Variants in DUS2 observed in about 807,000 individuals in gnomAD.
The protein encoded by DUS2 is dihydrouridine synthase 2.
In DUS2, 52 loss-of-function variants were observed where a neutral mutation model predicts 71.3. That is an observed-to-expected ratio of 0.73 (90% CI 0.58 to 0.92). The LOEUF (loss-of-function observed/expected upper bound fraction) is 0.92, where lower values mean the gene tolerates loss of function less well. DUS2 is among the 40% of genes least tolerant of loss of function. The probability of loss-of-function intolerance (pLI) is 0.00; values close to 1 mark genes in which losing one functional copy is unlikely to be tolerated. For missense variants in DUS2, 558 were observed against 622.6 expected, an observed-to-expected ratio of 0.90 and a Z score of 1.10; for synonymous variants, 204 against 227.8, an observed-to-expected ratio of 0.90 and a Z score of 0.94.
At chr16:68,044,327 C>T (rs1470814186) in intron 3 of DUS2, among the ~76,000 whole-genome samples, 1 of 151,606 alleles carries the variant, frequency 6.6e-6, no homozygotes, top group Non-Finnish European at 1.5e-5. Context: ...CGGATTATTG[C>T]TGTCATAACA....
At chr16:68,058,236 T>G (rs930007948) in intron 7 of DUS2, among the ~76,000 whole-genome samples, 62 of 151,534 alleles carry the variant, frequency 4.1e-4, no homozygotes, top group Non-Finnish European at 1.2e-4. Context: ...GCTTTTTTTT[T>G]TTTTTGAGAT....
At chr16:68,041,579 G>A (rs2033625621) in intron 3 of DUS2, among the ~76,000 whole-genome samples, 2 of 151,886 alleles carry the variant, frequency 1.3e-5, no homozygotes, top group South Asian at 2.1e-4. Context: ...TTGGGAGGCC[G>A]AGGCAGGTGG....
chr16:68,059,566 C>A (rs914885979), intron 7 of DUS2, among the ~76,000 whole-genome samples: 2 of 152,166 alleles, frequency 1.3e-5, no homozygotes, highest in African/African-American at 4.8e-5. Context: ...TTCCAGTCTA[C>A]CCATTCTTCT....
intron 8 of DUS2, among the ~76,000 whole-genome samples, chr16:68,065,311 G>A (rs2033990162): frequency 1.3e-5 from 2 of 150,380 alleles, no homozygotes; most frequent in South Asian, 2.1e-4. Flanking sequence ...CCCTCACCCT[G>A]TAAGTCCTGG....
chr16:68,062,718 CAAAAAA>C (rs552579994), intron 8 of DUS2, among the ~76,000 whole-genome samples: 12 of 48,722 alleles, frequency 2.5e-4, no homozygotes, highest in Non-Finnish European at 4.5e-4. Context: ...GACTCCGTCT[CAAAAAA>C]AAAAAAAAAA....
intron 2 of DUS2, among the ~76,000 whole-genome samples, chr16:68,036,715 T>C (rs1598301501): frequency 2.0e-5 from 3 of 152,332 alleles, no homozygotes; most frequent in South Asian, 4.1e-4. Context: ...ATTGGGATTA[T>C]AGGTGTGAGC....
intron 10 of DUS2, 51 bp from the exon 11 acceptor site, chr16:68,070,083 G>A (rs373742574): frequency 2.9e-5 from 44 of 1,525,070 alleles, no homozygotes; most frequent in African/African-American, 1.2e-4. Flanking sequence ...TGTGTGAGTG[G>A]TGTCGTGGCT....
intron 7 of DUS2, among the ~76,000 whole-genome samples, chr16:68,058,076 G>C (rs1009384239): frequency 6.6e-6 from 1 of 152,046 alleles, no homozygotes; most frequent in Non-Finnish European, 1.5e-5. Context: ...GGGGCCTGGG[G>C]ATGAATATGA....
At chr16:68,060,857 A>G (rs1460466840) in intron 7 of DUS2, among the ~76,000 whole-genome samples, 3 of 151,990 alleles carry the variant, frequency 2.0e-5, no homozygotes, top group Non-Finnish European at 4.4e-5. Flanking sequence ...CAAAAAAAAA[A>G]GAAAAAAAAT....
At chr16:68,061,650 T>C (rs2033941943) in intron 8 of DUS2, among the ~76,000 whole-genome samples, 1 of 152,364 alleles carries the variant, frequency 6.6e-6, no homozygotes, top group South Asian at 2.1e-4. Flanking sequence ...TTGGTGATTC[T>C]GTAGGCTAGC....
At chr16:68,031,349 G>T (rs539561462) in intron 2 of DUS2, among the ~76,000 whole-genome samples, 1 of 152,158 alleles carries the variant, frequency 6.6e-6, no homozygotes, top group Admixed American at 6.5e-5. Flanking sequence ...ATTTTTAGTA[G>T]AGACGGGGTT....
rs570379136 is a variant in DUS2, at chr16:68,036,738, C to T, written c.-18-1268C>T. ...TATAGGTGTGAGCCACTGCGCCTGA[C>T]CACATTCTACGCTTTAACCACATTG... is the stretch of plus-strand genomic sequence containing the variant. On this transcript the variant is annotated intron_variant, in intron 2 of 16. Coordinates refer to ENST00000565263, the MANE Select transcript of DUS2 (RefSeq NM_017803.5). Among the ~76,000 whole-genome samples the T allele has an allele frequency of 5.6e-4, 86 of 152,354 alleles. 1 individual carries two copies. Among genetic ancestry groups the T allele is most frequent in the South Asian group, 4.8e-3 (23 of 4,828 alleles).
intron 2 of DUS2, among the ~76,000 whole-genome samples, chr16:68,037,458 C>T (rs2033548440): frequency 6.8e-6 from 1 of 147,138 alleles, no homozygotes; most frequent in Admixed American, 6.9e-5. Context: ...GCTCTTGTTG[C>T]CCAGGCGGGG....
intron 12 of DUS2, among the ~76,000 whole-genome samples, chr16:68,073,287 A>T (rs992877911): frequency 3.9e-5 from 6 of 151,910 alleles, no homozygotes; most frequent in East Asian, 3.9e-4. Context: ...TTTATTTTTA[A>T]TTTTAGATAG....
At chr16:68,037,557 A>G (rs550081706) in intron 2 of DUS2, among the ~76,000 whole-genome samples, 175 of 151,708 alleles carry the variant, frequency 1.2e-3, no homozygotes, top group Admixed American at 2.0e-3. Context: ...AGCTGGGATT[A>G]CAGGTGCCCG....
rs552309949 is a variant in DUS2 at position 68,067,944 on chromosome 16, G to T, written c.554+1308G>T. 3.2e-4 allele frequency among the ~76,000 whole-genome samples: 49 copies of T among 152,344 alleles called. No homozygotes were observed. In the South Asian group the frequency reaches 9.3e-3, roughly 29 times the overall value. On this transcript the variant is annotated intron_variant, in intron 10 of 16. Coordinates refer to ENST00000565263, the MANE Select transcript of DUS2 (RefSeq NM_017803.5). The stretch of plus-strand genomic sequence containing the variant: ...CAAAGTGCTGGGATTACAGGCTTGA[G>T]CCACCATACCCAACCTATTCTTTTA...
chr16:68,059,567 C>G (rs1375047122), intron 7 of DUS2, among the ~76,000 whole-genome samples: 1 of 152,122 alleles, frequency 6.6e-6, no homozygotes, highest in East Asian at 1.9e-4. Context: ...TCCAGTCTAC[C>G]CATTCTTCTT....
intron 7 of DUS2, among the ~76,000 whole-genome samples, chr16:68,057,405 A>T (rs866540191): frequency 7.3e-5 from 11 of 151,280 alleles, no homozygotes; most frequent in Middle Eastern, 6.8e-3. Context: ...TTATAAAAAA[A>T]AAAAAGGGAA....
At chr16:68,041,511 G>T (rs145951124) in intron 3 of DUS2, among the ~76,000 whole-genome samples, 30 of 152,036 alleles carry the variant, frequency 2.0e-4, no homozygotes, top group African/African-American at 5.1e-4. Context: ...CAGCCCAGAG[G>T]CCCACAAATG....
Sources: gnomAD v4.1 joint callset for allele counts (sites outside exome capture counted in the v4.1 genomes callset) on GRCh38, gnomAD v4.1.1 for gene constraint, MANE v1.5 for transcripts, NCBI Gene and HGNC (gene_info 2026-07-23, HGNC 2026-07-21) for gene names.